Variants in SLC6A11 observed in about 807,000 individuals in gnomAD.
SLC6A11 encodes sodium- and chloride-dependent GABA transporter 3.
SLC6A11 carries 25 observed loss-of-function variants against 74.8 expected under a neutral mutation model. That is an observed-to-expected ratio of 0.33 (90% CI 0.24 to 0.47). SLC6A11 has a LOEUF of 0.47. Ranked by LOEUF, SLC6A11 falls within the 20% of genes least tolerant of loss-of-function variation. The probability of loss-of-function intolerance (pLI) is 1.00; values close to 1 mark genes in which losing one functional copy is unlikely to be tolerated. For synonymous variants in SLC6A11, 330 were observed against 330.2 expected (o/e 1.00, Z 0.01); for missense variants, 574 against 837.0 (o/e 0.69, Z 3.88).
intron 5 of SLC6A11, among the ~76,000 whole-genome samples, chr3:10,848,675 C>T (rs1326076035): frequency 1.3e-5 from 2 of 152,206 alleles, no homozygotes; most frequent in Admixed American, 6.5e-5. Context: ...ACAGCCTTGT[C>T]TCCGCAGAGC....
intron 4 of SLC6A11, among the ~76,000 whole-genome samples, chr3:10,832,197 T>C (rs1485145): frequency 0.21 from 31,522 of 152,228 alleles, 3,612 homozygotes; most frequent in East Asian, 0.42. Flanking sequence ...TCTTGGCTCC[T>C]AGTGGCCCCG....
chr3:10,859,146 G>A (rs182855452), intron 5 of SLC6A11, among the ~76,000 whole-genome samples: 3 of 152,332 alleles, frequency 2.0e-5, no homozygotes, highest in Admixed American at 2.0e-4. Context: ...TGAATAGGAG[G>A]GGGCTGAGAC....
intron 5 of SLC6A11, among the ~76,000 whole-genome samples, chr3:10,849,456 C>A (rs1209425289): frequency 6.6e-6 from 1 of 152,102 alleles, no homozygotes; most frequent in Admixed American, 6.5e-5. Flanking sequence ...ATGTTGGATA[C>A]CTCTCATCCA....
chr3:10,884,450 T>A lies in SLC6A11; in HGVS notation c.891+9355T>A, dbSNP rs567991108. ...AGATAGGACCTGAGGTCTTTTTACA[T>A]CATCTTATAAGTCATGAGAATTTTA... On this transcript the variant is annotated intron_variant, in intron 6 of 13. Transcript: ENST00000254488. Among the ~76,000 whole-genome samples, 4 of 152,338 alleles carry A rather than the reference T, an allele frequency of 2.6e-5. No individual in the cohort carries two copies. The South Asian group carries it at 6.2e-4, about 24-fold the overall frequency.
intron 6 of SLC6A11, among the ~76,000 whole-genome samples, chr3:10,882,853 G>A (rs1413046464): frequency 6.6e-6 from 1 of 152,202 alleles, no homozygotes; most frequent in African/African-American, 2.4e-5. Context: ...TGCATTGTGG[G>A]TAAGAATATC....
chr3:10,914,953 G>C (rs1369122269), intron 7 of SLC6A11, among the ~76,000 whole-genome samples: 2 of 152,138 alleles, frequency 1.3e-5, no homozygotes, highest in East Asian at 3.9e-4. Flanking sequence ...GAGGACGTGG[G>C]CTGGATGTTC....
chr3:10,938,152 G>A, intron 13 of SLC6A11, 98 bp from the exon 14 acceptor site: 2 of 1,204,882 alleles, frequency 1.7e-6, no homozygotes, highest in Non-Finnish European at 1.1e-6. Context: ...GAATTCTCCA[G>A]CACCCAGATG....
In SLC6A11 at chr3:10,918,243, A is replaced by G. The variant is rs368413114; in HGVS notation, c.996-86A>G. 12 of 1,420,978 alleles carry G rather than the reference A, an allele frequency of 8.4e-6. No individual in the cohort carries two copies. The South Asian group carries it at 1.7e-4, about 21-fold the overall frequency. 88.0% of individuals were successfully genotyped at this position (1,420,978 alleles called of 1,614,324 possible). A position where few individuals can be genotyped will look rare whatever the true frequency, so the allele number is the denominator to read the frequency against. On this transcript the variant is annotated intron_variant, in intron 7 of 13. Coordinates refer to ENST00000254488, the MANE Select transcript of SLC6A11 (RefSeq NM_014229.3). The surrounding 1 kb of genome is among the most constrained non-coding windows in gnomAD (Gnocchi z 4.5). ...CACTTCCCTGCCTGCCTCACAGGAC[A>G]GCCATGGTGCTCGGGTGGAGAACGT...
chr3:10,903,745 CCA>C (rs1695269210), intron 6 of SLC6A11, among the ~76,000 whole-genome samples: 1 of 152,166 alleles, frequency 6.6e-6, no homozygotes, highest in Non-Finnish European at 1.5e-5. Flanking sequence ...TGAATACTCT[CCA>C]GAGTATTTCT....
At chr3:10,839,299 G>T (rs1460642887) in intron 4 of SLC6A11, among the ~76,000 whole-genome samples, 1 of 152,124 alleles carries the variant, frequency 6.6e-6, no homozygotes, top group Non-Finnish European at 1.5e-5. Flanking sequence ...TCCTGAAGGA[G>T]CCACGTGACT....
intron 10 of SLC6A11, among the ~76,000 whole-genome samples, chr3:10,931,893 C>T (rs1695692736): frequency 6.6e-6 from 1 of 152,134 alleles, no homozygotes; most frequent in Non-Finnish European, 1.5e-5. Flanking sequence ...CAGGAGGAGG[C>T]CCAGGGCACT....
At chr3:10,827,000 G>T (rs1694218874) in intron 4 of SLC6A11, among the ~76,000 whole-genome samples, 1 of 152,174 alleles carries the variant, frequency 6.6e-6, no homozygotes, top group South Asian at 2.1e-4. Flanking sequence ...TCATCCATGT[G>T]GTGTTGAATC....
chr3:10,888,050 G>A (rs1417199867), intron 6 of SLC6A11, among the ~76,000 whole-genome samples: 3 of 152,224 alleles, frequency 2.0e-5, no homozygotes, highest in African/African-American at 7.2e-5. Context: ...AATTTCAGAA[G>A]ATTACTCAGA....
chr3:10,938,138 C>G (rs571210544), intron 13 of SLC6A11, 112 bp from the exon 14 acceptor site: 16 of 1,072,986 alleles, frequency 1.5e-5, no homozygotes, highest in East Asian at 2.4e-5. Flanking sequence ...GGACCTTGGT[C>G]TGAGAATTCT....
intron 4 of SLC6A11, among the ~76,000 whole-genome samples, chr3:10,834,358 T>TTG (rs1694339589): frequency 1.3e-5 from 2 of 151,926 alleles, no homozygotes; most frequent in South Asian, 4.2e-4. Flanking sequence ...TTTTGTTTTT[T>TTG]TTTTCAGCAG....
intron 4 of SLC6A11, among the ~76,000 whole-genome samples, chr3:10,826,441 G>A (rs1201477070): frequency 6.6e-6 from 1 of 152,186 alleles, no homozygotes; most frequent in Non-Finnish European, 1.5e-5. Flanking sequence ...TTCACCTTTA[G>A]AGAATTCACT....
In SLC6A11 at chr3:10,894,916, C is replaced by T. The variant is rs570888516; in HGVS notation, c.892-17174C>T. Among the ~76,000 whole-genome samples, 3 of 152,080 alleles carry T rather than the reference C, an allele frequency of 2.0e-5. No individual in the cohort carries two copies. The South Asian group carries it at 6.2e-4, about 32-fold the overall frequency. ...AACCACAAATATATAGAATTTTTGTCAATTAAAAGTTAAAAAATAAAATAA... is the reference window on the plus strand; with the variant it reads ...AACCACAAATATATAGAATTTTTGTTAATTAAAAGTTAAAAAATAAAATAA... On this transcript the variant is annotated intron_variant, in intron 6 of 13. Transcript: ENST00000254488.
At chr3:10,860,976 CATCAGT>C (rs1694696640) in intron 5 of SLC6A11, among the ~76,000 whole-genome samples, 1 of 152,124 alleles carries the variant, frequency 6.6e-6, no homozygotes, top group Admixed American at 6.5e-5. Context: ...GATTAAAGAG[CATCAGT>C]ACATTGGTGG....
intron 4 of SLC6A11, among the ~76,000 whole-genome samples, chr3:10,835,996 A>G (rs1436226389): frequency 2.0e-5 from 3 of 152,330 alleles, no homozygotes; most frequent in Non-Finnish European, 4.4e-5. Flanking sequence ...TCCTCTAAAT[A>G]AGAGCTCTCT....
Sources: allele counts gnomAD v4.1 joint callset (sites outside exome capture counted in the v4.1 genomes callset), GRCh38; gene constraint gnomAD v4.1.1; non-coding constraint Gnocchi (gnomAD v3.1); transcripts MANE v1.5; gene names NCBI Gene and HGNC (gene_info 2026-07-23, HGNC 2026-07-21).